Variants in MCRIP1 observed in about 807,000 individuals in gnomAD.
MCRIP1 encodes MAPK regulated corepressor interacting protein 1.
MCRIP1 carries 10 observed loss-of-function variants against 14.4 expected under a neutral mutation model. That is an observed-to-expected ratio of 0.70 (90% CI 0.43 to 1.18). MCRIP1 has a LOEUF of 1.18. Among genes scored for constraint, MCRIP1 ranks in the 50% most tolerant of loss-of-function variants. MCRIP1 has a pLI of 0.00. For missense variants in MCRIP1, 119 were observed against 135.4 expected, an observed-to-expected ratio of 0.88 and a Z score of 0.60; for synonymous variants, 53 against 55.7, an observed-to-expected ratio of 0.95 and a Z score of 0.21.
At position 81,826,169 on chromosome 17, in the gene MCRIP1, G is replaced by C. The variant is rs149086490; in HGVS notation, c.-48-1615C>G. On this transcript the variant is annotated intron_variant, in intron 1 of 4. Coordinates refer to ENST00000455127, the MANE Select transcript of MCRIP1 (RefSeq NM_207368.5). Reference sequence around the variant, plus strand: ...TGTCACTCCTGCCCCAGATCCCACTGATTGCCCCACATCCTCCCAAGCAAC... The same window carrying C: ...TGTCACTCCTGCCCCAGATCCCACTCATTGCCCCACATCCTCCCAAGCAAC... The C allele has an allele frequency of 1.8e-3, 2,746 of 1,498,356 alleles. 5 individuals carry two copies. Among genetic ancestry groups the C allele is most frequent in the Non-Finnish European group, 2.3e-3 (2,592 of 1,126,946 alleles). The allele number at this position is 1,498,356 out of a possible 1,614,324, so 92.8% of individuals were successfully genotyped here. A position where few individuals can be genotyped will look rare whatever the true frequency, so the allele number is the denominator to read the frequency against.
chr17:81,825,396 A>G, intron 1 of MCRIP1: 1 of 1,188,962 alleles, frequency 8.4e-7, no homozygotes, highest in Non-Finnish European at 1.1e-6. Context: ...GCTGGTCTCC[A>G]GCCTGCCCTG....
At chr17:81,826,566 T>C (rs2038401942) in intron 1 of MCRIP1, 2 of 581,920 alleles carry the variant, frequency 3.4e-6, no homozygotes, top group Non-Finnish European at 6.0e-6. Context: ...ACGCTTGTAA[T>C]CCCAACACTT....
intron 1 of MCRIP1, chr17:81,826,270 C>T: frequency 6.5e-7 from 1 of 1,531,950 alleles, no homozygotes; most frequent in East Asian, 2.4e-5. Flanking sequence ...TACCTACCTG[C>T]ACACACCTTA....
chr17:81,827,973 G>A (rs2038444473), intron 1 of MCRIP1, among the ~76,000 whole-genome samples: 1 of 151,360 alleles, frequency 6.6e-6, no homozygotes, highest in Non-Finnish European at 1.5e-5. Context: ...GTGGAGATGG[G>A]GTTTCACTGT....
chr17:81,825,309 A>C (rs2038368199), intron 1 of MCRIP1: 6 of 1,128,900 alleles, frequency 5.3e-6, no homozygotes, highest in Non-Finnish European at 6.6e-6. Context: ...TGAGGCTCAG[A>C]CGCTCACACT....
At chr17:81,829,963 G>A (rs1598255002) in intron 1 of MCRIP1, among the ~76,000 whole-genome samples, 1 of 152,354 alleles carries the variant, frequency 6.6e-6, no homozygotes, top group African/African-American at 2.4e-5. Flanking sequence ...TTTACCAGGT[G>A]TCACCTGCTG....
intron 1 of MCRIP1, chr17:81,824,929 G>T: frequency 8.8e-7 from 1 of 1,142,032 alleles, no homozygotes; most frequent in Non-Finnish European, 1.1e-6. Flanking sequence ...CATCTCTGAT[G>T]TCCAGCTGCC....
At chr17:81,827,709 G>C (rs529312516) in intron 1 of MCRIP1, among the ~76,000 whole-genome samples, 17 of 151,936 alleles carry the variant, frequency 1.1e-4, no homozygotes, top group African/African-American at 4.1e-4. Flanking sequence ...GTGACAGAGG[G>C]AGACTCTGTC....
intron 1 of MCRIP1, chr17:81,826,243 ACAC>A (rs2038392994): frequency 6.5e-7 from 1 of 1,529,064 alleles, no homozygotes; most frequent in Non-Finnish European, 8.8e-7. Context: ...ACACACACAC[ACAC>A]ACCTGCCCAC....
chr17:81,823,723 G>A lies in MCRIP1; in HGVS notation c.128-210C>T, dbSNP rs927340958. On this transcript the variant is annotated intron_variant, in intron 3 of 4. Transcript: ENST00000455127. The surrounding 1 kb of genome is among the most constrained non-coding windows in gnomAD (Gnocchi z 6.0). ...CCTCTGGCAGGCCTGTCCCTTCCCC[G>A]CAAGATGACCAGGACTGTGGTCAGA... 3.0e-5 allele frequency: 18 copies of A among 603,948 alleles called. No individual in the cohort carries two copies. Among genetic ancestry groups the A allele is most frequent in the East Asian group, 2.5e-4 (9 of 36,398 alleles). 37.4% of individuals were successfully genotyped at this position (603,948 alleles called of 1,614,324 possible). A position where few individuals can be genotyped will look rare whatever the true frequency, so the allele number is the denominator to read the frequency against.
Position 81,825,870 on chromosome 17 carries a change from G to A in MCRIP1, c.-48-1316C>T, listed in dbSNP as rs954688992. 6.2e-6 allele frequency: 8 copies of A among 1,290,190 alleles called. No homozygotes were observed. In the African/African-American group the frequency reaches 1.2e-4, roughly 20 times the overall value. 79.9% of individuals were successfully genotyped at this position (1,290,190 alleles called of 1,614,324 possible). On this transcript the variant is annotated intron_variant, in intron 1 of 4. Coordinates refer to ENST00000455127, the MANE Select transcript of MCRIP1 (RefSeq NM_207368.5). Reference sequence around the variant, plus strand: ...ACGAACACCAGAGCACGGAGGGAAAGGCCTGTTTGGGTTGAGGGTCCCACA... The same window carrying A: ...ACGAACACCAGAGCACGGAGGGAAAAGCCTGTTTGGGTTGAGGGTCCCACA...
At position 81,825,502 on chromosome 17, in the gene MCRIP1, G is replaced by A. The variant is rs1256550645; in HGVS notation, c.-48-948C>T. 2.4e-6 allele frequency: 3 copies of A among 1,228,494 alleles called. No individual in the cohort carries two copies. In the South Asian group the frequency reaches 4.2e-5, roughly 17 times the overall value. 76.1% of individuals were successfully genotyped at this position (1,228,494 alleles called of 1,614,324 possible). On this transcript the variant is annotated intron_variant, in intron 1 of 4. Coordinates refer to ENST00000455127, the MANE Select transcript of MCRIP1 (RefSeq NM_207368.5). ...AAGCAACTCCCCTGCCCACCCAGAG[G>A]CCCAAGGCTGCAGATACTCCAGGGC...
intron 1 of MCRIP1, among the ~76,000 whole-genome samples, chr17:81,832,283 C>G (rs1301731584): frequency 6.6e-6 from 1 of 152,126 alleles, no homozygotes; most frequent in Non-Finnish European, 1.5e-5. Flanking sequence ...ACCTCGTGGT[C>G]CCTTGAAGAC....
intron 1 of MCRIP1, among the ~76,000 whole-genome samples, chr17:81,827,873 C>T (rs1429062486): frequency 2.0e-5 from 3 of 149,622 alleles, no homozygotes; most frequent in Admixed American, 6.7e-5. Context: ...CTCCGCCTCC[C>T]GGGTTGACGC....
intron 1 of MCRIP1, chr17:81,826,478 G>T: frequency 9.8e-7 from 1 of 1,024,206 alleles, no homozygotes; most frequent in East Asian, 2.6e-5. Context: ...AGCCAAGATC[G>T]TGGCACTGCA....
intron 1 of MCRIP1, chr17:81,826,493 A>G (rs1181616007): frequency 4.5e-5 from 37 of 818,234 alleles, no homozygotes; most frequent in Non-Finnish European, 6.9e-5. Flanking sequence ...ACTGCACTCC[A>G]GCCCAGGCAA....
intron 1 of MCRIP1, chr17:81,826,627 C>G: frequency 2.0e-6 from 1 of 508,470 alleles, no homozygotes; most frequent in Non-Finnish European, 3.5e-6. Context: ...TGAGAGCAGC[C>G]TGGCGAACAT....
In MCRIP1 at chr17:81,823,433, C is replaced by T. The variant is rs749999761; in HGVS notation, c.208G>A (p.Val70Ile). The T allele has an allele frequency of 4.6e-6, 7 of 1,536,828 alleles. No homozygotes were observed. The highest frequency in any genetic ancestry group is 1.4e-5 in the African/African-American group (1 of 73,144). Residue 70 changes from valine to isoleucine, a missense_variant, in exon 4 of 5, where the codon GTC becomes ATC. Transcript: ENST00000455127. This position sits in a 1 kb window ranked among gnomAD's most constrained non-coding sequence, Gnocchi z 6.0. ...TCACTCTTCAGGCTGGGGTTAGGGA[C>T]CTTCTCCACATACTCCTCCACCAGG... Reference protein sequence around the residue: ...RGLVEEYVEKVPNPSLKTFKP... With the variant: ...RGLVEEYVEKIPNPSLKTFKP...
chr17:81,825,563 T>C (rs1433795673), intron 1 of MCRIP1: 3 of 1,287,916 alleles, frequency 2.3e-6, no homozygotes, highest in African/African-American at 1.5e-5. Flanking sequence ...CCAGGAGCAC[T>C]GAGGCTTCGA....
Sources: gnomAD v4.1 joint callset for allele counts (sites outside exome capture counted in the v4.1 genomes callset) on GRCh38, gnomAD v4.1.1 for gene constraint, Gnocchi (gnomAD v3.1) non-coding constraint, MANE v1.5 for transcripts, NCBI Gene and HGNC (gene_info 2026-07-23, HGNC 2026-07-21) for gene names.